Variants in ZNF804B observed in about 807,000 individuals in gnomAD.
The protein encoded by ZNF804B is zinc finger 804B.
ZNF804B carries 80 observed loss-of-function variants against 101.4 expected under a neutral mutation model. The observed-to-expected ratio is 0.79, with a 90% CI of 0.66 to 0.95. ZNF804B has a LOEUF of 0.95. Ranked by LOEUF, ZNF804B falls within the 40% of genes least tolerant of loss-of-function variation. ZNF804B has a pLI of 0.00. For missense variants in ZNF804B, 1,673 were observed against 1,561.9 expected, an observed-to-expected ratio of 1.07 and a Z score of -1.20; for synonymous variants, 622 against 558.8, an observed-to-expected ratio of 1.11 and a Z score of -1.59.
chr7:89,100,591 T>C (rs1035662841), intron 1 of ZNF804B, among the ~76,000 whole-genome samples: 3 of 152,104 alleles, frequency 2.0e-5, no homozygotes, highest in Admixed American at 6.6e-5. Context: ...TACAATAATA[T>C]ATAAGGTGTT....
In ZNF804B at chr7:88,809,100, G is replaced by A. The variant is rs117418933; in HGVS notation, c.108+49016G>A. ...TGGCAGCATATTTTTGTATTAAGAG[G>A]AGGTGTACACACTTGGTATTTTAAG... On this transcript the variant is annotated intron_variant, in intron 1 of 3. Coordinates refer to ENST00000333190, the MANE Select transcript of ZNF804B (RefSeq NM_181646.5). Among the ~76,000 whole-genome samples the A allele has an allele frequency of 8.0e-3, 1,224 of 152,230 alleles. 9 individuals are homozygous for A. Among genetic ancestry groups the A allele is most frequent in the Admixed American group, 0.014 (213 of 15,294 alleles).
At chr7:89,004,107 T>G (rs1331549359) in intron 1 of ZNF804B, among the ~76,000 whole-genome samples, 1 of 150,976 alleles carries the variant, frequency 6.6e-6, no homozygotes, top group Non-Finnish European at 1.5e-5. Context: ...TTATTTTTAT[T>G]GTGGGCAAGG....
chr7:88,942,620 T>C (rs1793072340), intron 1 of ZNF804B, among the ~76,000 whole-genome samples: 1 of 151,356 alleles, frequency 6.6e-6, no homozygotes, highest in Non-Finnish European at 1.5e-5. Flanking sequence ...TTCTAGGTGC[T>C]TGATTGATCA....
intron 1 of ZNF804B, among the ~76,000 whole-genome samples, chr7:88,845,950 G>A (rs188796946): frequency 3.3e-3 from 495 of 152,226 alleles, no homozygotes; most frequent in Middle Eastern, 0.01. Flanking sequence ...AGGAAAAAAA[G>A]GAAAGAAAAG....
At chr7:88,885,579 AG>A (rs1792113436) in intron 1 of ZNF804B, among the ~76,000 whole-genome samples, 1 of 150,852 alleles carries the variant, frequency 6.6e-6, no homozygotes, top group Non-Finnish European at 1.5e-5. Flanking sequence ...AGATGTACAA[AG>A]AACAACTATA....
intron 2 of ZNF804B, among the ~76,000 whole-genome samples, chr7:89,288,809 C>A (rs997566111): frequency 5.9e-5 from 9 of 151,628 alleles, no homozygotes; most frequent in Admixed American, 4.6e-4. Flanking sequence ...TAGAAAAAAG[C>A]GAAGAACATC....
chr7:89,004,480 G>GA (rs1562856945), intron 1 of ZNF804B, among the ~76,000 whole-genome samples: 1 of 151,308 alleles, frequency 6.6e-6, no homozygotes, highest in African/African-American at 2.4e-5. Flanking sequence ...AGTTTCTGGG[G>GA]TTTTTTTTGT....
intron 1 of ZNF804B, among the ~76,000 whole-genome samples, chr7:88,842,208 A>G (rs1791300929): frequency 6.6e-6 from 1 of 152,200 alleles, no homozygotes; most frequent in South Asian, 2.1e-4. Flanking sequence ...ACCTGTGAAT[A>G]GCAAGACTAA....
chr7:88,795,427 T>A (rs1409949997), intron 1 of ZNF804B, among the ~76,000 whole-genome samples: 1 of 152,176 alleles, frequency 6.6e-6, no homozygotes, highest in African/African-American at 2.4e-5. Flanking sequence ...TAGTTAATAA[T>A]GTTCCTTGAA....
chr7:88,903,016 CTG>C (rs1262110912), intron 1 of ZNF804B, among the ~76,000 whole-genome samples: 3 of 151,882 alleles, frequency 2.0e-5, no homozygotes, highest in Non-Finnish European at 4.4e-5. Context: ...TTGCATGATG[CTG>C]AGGTTTAAGG....
intron 1 of ZNF804B, among the ~76,000 whole-genome samples, chr7:88,935,270 G>C (rs2116029667): frequency 6.6e-6 from 1 of 150,930 alleles, no homozygotes; most frequent in South Asian, 2.1e-4. Context: ...ATATAGCTCA[G>C]GTGACAGGTG....
chr7:89,080,808 C>G (rs565215684), intron 1 of ZNF804B, among the ~76,000 whole-genome samples: 86 of 152,022 alleles, frequency 5.7e-4, no homozygotes, highest in Non-Finnish European at 7.2e-4. Context: ...CAAGTTAAAG[C>G]AGGGTGTTTT....
intron 1 of ZNF804B, among the ~76,000 whole-genome samples, chr7:89,075,666 C>A (rs1479195595): frequency 6.6e-6 from 1 of 152,168 alleles, no homozygotes. Flanking sequence ...TACTGGCGCA[C>A]CGCCTAGTAG....
chr7:89,035,516 A>C (rs1401614266), intron 1 of ZNF804B, among the ~76,000 whole-genome samples: 1 of 152,044 alleles, frequency 6.6e-6, no homozygotes, highest in East Asian at 1.9e-4. Context: ...TGATGGAAAA[A>C]AATGAGTAAG....
intron 1 of ZNF804B, among the ~76,000 whole-genome samples, chr7:89,208,106 G>A (rs562366855): frequency 7.2e-6 from 1 of 138,518 alleles, no homozygotes; most frequent in East Asian, 2.1e-4. Context: ...TTTTGAGACA[G>A]AGTCTCTCTC....
At chr7:89,230,310 AG>A in intron 2 of ZNF804B, among the ~76,000 whole-genome samples, 1 of 114,256 alleles carries the variant, frequency 8.8e-6, no homozygotes, top group South Asian at 2.8e-4. Flanking sequence ...GGGGAGGGGG[AG>A]AGAGAGAGAG....
At chr7:89,141,064 G>T (rs1167244030) in intron 1 of ZNF804B, among the ~76,000 whole-genome samples, 1 of 152,002 alleles carries the variant, frequency 6.6e-6, no homozygotes, top group Non-Finnish European at 1.5e-5. Context: ...GAGGGCCAAA[G>T]GAGAGGAGGG....
At chr7:89,299,807 AACAT>A (rs1007941951) in intron 2 of ZNF804B, among the ~76,000 whole-genome samples, 4 of 152,014 alleles carry the variant, frequency 2.6e-5, no homozygotes, top group African/African-American at 9.7e-5. Flanking sequence ...TACAGTATTT[AACAT>A]ACATATATTA....
chr7:89,136,832 A>C (rs1447347335), intron 1 of ZNF804B, among the ~76,000 whole-genome samples: 1 of 151,782 alleles, frequency 6.6e-6, no homozygotes, highest in Non-Finnish European at 1.5e-5. Flanking sequence ...CACAAGTTGT[A>C]GGAGGCACTG....
Sources: gnomAD v4.1 joint callset for allele counts (sites outside exome capture counted in the v4.1 genomes callset) on GRCh38, gnomAD v4.1.1 for gene constraint, MANE v1.5 for transcripts, NCBI Gene and HGNC (gene_info 2026-07-23, HGNC 2026-07-21) for gene names.